The following GNAL variants were observed in gnomAD, a reference collection of about 807,000 sequenced individuals.
GNAL encodes guanine nucleotide-binding protein G(olf) subunit alpha.
In GNAL, 18 loss-of-function variants were observed where a neutral mutation model predicts 55.1. The observed-to-expected ratio is 0.33, with a 90% CI of 0.23 to 0.48. The LOEUF (loss-of-function observed/expected upper bound fraction) is 0.48, where lower values mean the gene tolerates loss of function less well. Among genes scored for constraint, GNAL ranks in the 20% least tolerant of loss-of-function variants. The probability of loss-of-function intolerance (pLI) is 0.99; values close to 1 mark genes in which losing one functional copy is unlikely to be tolerated. For synonymous variants in GNAL, 253 were observed against 237.0 expected (o/e 1.07, Z -0.62); for missense variants, 412 against 614.1 (o/e 0.67, Z 3.48).
Position 11,752,366 on chromosome 18 carries a change from C to A in GNAL, c.377-487C>A, listed in dbSNP as rs1219040940. On this transcript the variant is annotated intron_variant, in intron 1 of 11. Coordinates refer to ENST00000334049, the MANE Select transcript of GNAL (RefSeq NM_182978.4). The surrounding 1 kb of genome is among the most constrained non-coding windows in gnomAD (Gnocchi z 4.5). ...GAGGAGCCGTCGCAGGAGCCGCACA[C>A]GTCTCCAACTCTCTATTGCTTTTTG... is the stretch of plus-strand genomic sequence containing the variant. 1.3e-6 allele frequency: 2 copies of A among 1,538,286 alleles called. No individual in the cohort carries two copies. The highest frequency in any genetic ancestry group is 2.5e-5 in the South Asian group (2 of 81,284).
intron 1 of GNAL, among the ~76,000 whole-genome samples, chr18:11,736,322 G>A (rs902230496): frequency 3.3e-5 from 5 of 152,106 alleles, no homozygotes; most frequent in Admixed American, 1.3e-4. Flanking sequence ...TTGAACCCAC[G>A]TGTTAGAGGC....
rs373424323 is a variant in GNAL, at chr18:11,870,298, A to G, written c.1031+1635A>G. ...CACTTTGGGAGGCCAAGGCAGGAAG[A>G]TCACCTGAGATCAGGAGTTCGAGAC... is the stretch of plus-strand genomic sequence containing the variant. On this transcript the variant is annotated intron_variant, in intron 9 of 11. Transcript: ENST00000334049. Among the ~76,000 whole-genome samples the G allele has an allele frequency of 1.2e-4, 18 of 152,234 alleles. 1 individual carries two copies. Among genetic ancestry groups the G allele is most frequent in the East Asian group, 9.6e-4 (5 of 5,184 alleles).
intron 4 of GNAL, among the ~76,000 whole-genome samples, chr18:11,823,120 C>T (rs144965372): frequency 3.3e-5 from 5 of 152,264 alleles, no homozygotes; most frequent in Admixed American, 6.5e-5. Flanking sequence ...AACTTGATAA[C>T]GGCATAATGC....
At chr18:11,772,637 G>C (rs1037614237) in intron 4 of GNAL, among the ~76,000 whole-genome samples, 1 of 152,132 alleles carries the variant, frequency 6.6e-6, no homozygotes, top group Non-Finnish European at 1.5e-5. Flanking sequence ...AACTCTCTAC[G>C]AGACTTGTCC....
At chr18:11,875,305 G>T (rs761123349) in intron 10 of GNAL, among the ~76,000 whole-genome samples, 1 of 152,158 alleles carries the variant, frequency 6.6e-6, no homozygotes, top group Non-Finnish European at 1.5e-5. Context: ...GGCTCAGGCA[G>T]GTCAGTAGGA....
chr18:11,782,874 A>G lies in GNAL; in HGVS notation c.624+28929A>G, dbSNP rs905403370. Among the ~76,000 whole-genome samples, 7 of 152,244 alleles carry G rather than the reference A, an allele frequency of 4.6e-5. 1 individual carries two copies. Among genetic ancestry groups the G allele is most frequent in the South Asian group, 4.1e-4 (2 of 4,838 alleles). On this transcript the variant is annotated intron_variant, in intron 4 of 11. Transcript: ENST00000334049. The stretch of plus-strand genomic sequence containing the variant: ...ATGCTACTGAAAGGGCTATGTGAGC[A>G]TAATGCATGATAAAGAGAATCATAA...
chr18:11,832,674 G>A lies in GNAL; in HGVS notation c.722+7659G>A, dbSNP rs1462042324. On this transcript the variant is annotated intron_variant, in intron 5 of 11. Transcript: ENST00000334049. ...GGAGTTTGAGACCAGCCTGGCCAAC[G>A]TGGTGAAACCCCATCTCTACTAAAA... 2.6e-5 allele frequency among the ~76,000 whole-genome samples: 4 copies of A among 152,044 alleles called. No individual in the cohort carries two copies. The East Asian group carries it at 5.8e-4, about 22-fold the overall frequency.
At chr18:11,851,292 C>T (rs2035855221) in intron 5 of GNAL, 3 of 535,132 alleles carry the variant, frequency 5.6e-6, no homozygotes, top group Non-Finnish European at 9.6e-6. Context: ...CATGCGCAGC[C>T]CCTGGCGTCT....
rs1198746336 is a variant in GNAL, at chr18:11,819,051, C to A, written c.625-5867C>A. 3.3e-5 allele frequency among the ~76,000 whole-genome samples: 5 copies of A among 152,194 alleles called. No individual in the cohort carries two copies. In the East Asian group the frequency reaches 9.6e-4, roughly 29 times the overall value. On this transcript the variant is annotated intron_variant, in intron 4 of 11. Transcript: ENST00000334049. ...CACAGCCGCCAGACAGACGGCACCA[C>A]ACTCACGTCAAGTGATGGGAAATAG...
At chr18:11,855,820 A>C (rs374706194) in intron 5 of GNAL, among the ~76,000 whole-genome samples, 2 of 152,102 alleles carry the variant, frequency 1.3e-5, no homozygotes, top group Non-Finnish European at 2.9e-5. Context: ...TAAAAATACA[A>C]AATTAGCCGG....
At chr18:11,757,967 T>G (rs746092739) in intron 4 of GNAL, among the ~76,000 whole-genome samples, 1 of 151,952 alleles carries the variant, frequency 6.6e-6, no homozygotes, top group Non-Finnish European at 1.5e-5. Context: ...GATTAGGCTT[T>G]CTGGAGGTTT....
chr18:11,721,829 C>T (rs770665268), intron 1 of GNAL, among the ~76,000 whole-genome samples: 7 of 151,200 alleles, frequency 4.6e-5, no homozygotes, highest in Non-Finnish European at 1.0e-4. Context: ...CAGGTTGTGG[C>T]GAGCCAAGAT....
intron 11 of GNAL, 90 bp from the exon 12 acceptor site, chr18:11,880,899 A>C (rs1171168646): frequency 1.5e-6 from 2 of 1,361,116 alleles, no homozygotes; most frequent in Non-Finnish European, 2.0e-6. Flanking sequence ...CTGTCACCAA[A>C]GCCTCCAGCA....
chr18:11,717,364 C>A (rs1008171862), intron 1 of GNAL, among the ~76,000 whole-genome samples: 6 of 152,200 alleles, frequency 3.9e-5, no homozygotes, highest in Non-Finnish European at 7.4e-5. Context: ...AGTGCAGTGG[C>A]GGGTTGAAGG....
chr18:11,792,482 A>C (rs976529312), intron 4 of GNAL, among the ~76,000 whole-genome samples: 2 of 152,158 alleles, frequency 1.3e-5, no homozygotes, highest in Non-Finnish European at 2.9e-5. Context: ...CACTGCACCC[A>C]GCTTGTCTTG....
At chr18:11,830,827 A>C (rs1211642287) in intron 5 of GNAL, among the ~76,000 whole-genome samples, 1 of 152,256 alleles carries the variant, frequency 6.6e-6, no homozygotes, top group Non-Finnish European at 1.5e-5. Context: ...ACATACTACA[A>C]CATGGATGAA....
At chr18:11,745,934 A>G (rs1161246393) in intron 1 of GNAL, 3 of 237,816 alleles carry the variant, frequency 1.3e-5, no homozygotes, top group Non-Finnish European at 2.6e-5. Flanking sequence ...AACAGTTTGT[A>G]TGTTGGATGA....
intron 10 of GNAL, among the ~76,000 whole-genome samples, chr18:11,873,170 A>T (rs930681709): frequency 1.3e-5 from 2 of 152,248 alleles, no homozygotes; most frequent in African/African-American, 4.8e-5. Flanking sequence ...TACATCTTGA[A>T]TTCCAAACTA....
At chr18:11,823,757 C>G (rs1461201587) in intron 4 of GNAL, among the ~76,000 whole-genome samples, 3 of 152,112 alleles carry the variant, frequency 2.0e-5, no homozygotes, top group African/African-American at 7.2e-5. Context: ...CCTGAGAACC[C>G]TGAAGATCAA....
Sources: allele counts gnomAD v4.1 joint callset (sites outside exome capture counted in the v4.1 genomes callset), GRCh38; gene constraint gnomAD v4.1.1; non-coding constraint Gnocchi (gnomAD v3.1); transcripts MANE v1.5; gene names NCBI Gene and HGNC (gene_info 2026-07-23, HGNC 2026-07-21).